Variants in KCNK3 observed in about 807,000 individuals in gnomAD.
KCNK3 encodes potassium channel subfamily K member 3.
Under a neutral mutation model 27.3 loss-of-function variants are expected in KCNK3, and 9 were observed. The ratio of observed to expected loss-of-function variants is 0.33; its 90% CI spans 0.20 to 0.57. KCNK3 has a LOEUF of 0.57. KCNK3 is among the 20% of genes least tolerant of loss of function. KCNK3 has a pLI of 0.87. For missense variants in KCNK3, 391 were observed against 577.7 expected, an observed-to-expected ratio of 0.68 and a Z score of 3.31; for synonymous variants, 278 against 273.8, an observed-to-expected ratio of 1.02 and a Z score of -0.15.
intron 1 of KCNK3, among the ~76,000 whole-genome samples, chr2:26,695,975 G>A (rs1006693703): frequency 6.6e-6 from 1 of 152,182 alleles, no homozygotes; most frequent in East Asian, 1.9e-4. Flanking sequence ...GTCCACAGGG[G>A]CTCTGCTCTA....
chr2:26,722,859 A>G (rs1663349158), intron 1 of KCNK3, among the ~76,000 whole-genome samples: 1 of 152,246 alleles, frequency 6.6e-6, no homozygotes, highest in South Asian at 2.1e-4. Flanking sequence ...GTGAACAGAG[A>G]AAATAATAAA....
chr2:26,697,509 TC>T (rs1670250295), intron 1 of KCNK3, among the ~76,000 whole-genome samples: 1 of 152,124 alleles, frequency 6.6e-6, no homozygotes, highest in Non-Finnish European at 1.5e-5. Context: ...GCTTGCCTTT[TC>T]CCCAGCAAAG....
intron 1 of KCNK3, among the ~76,000 whole-genome samples, chr2:26,706,764 G>A (rs1670379334): frequency 1.3e-5 from 2 of 152,170 alleles, no homozygotes; most frequent in African/African-American, 4.8e-5. Flanking sequence ...GTGGGCCAGT[G>A]AACTCGTAGA....
In KCNK3 at chr2:26,714,994, A is replaced by C. The variant is rs1663202970; in HGVS notation, c.284-12673A>C. On this transcript the variant is annotated intron_variant, in intron 1 of 1. Coordinates refer to ENST00000302909, the MANE Select transcript of KCNK3 (RefSeq NM_002246.3). ...CCCCAGCCCAGAGACCCTGGAGGCC[A>C]CATACCTGTGTGGCCTTGTCCAAAT... Among the ~76,000 whole-genome samples the C allele has an allele frequency of 2.0e-5, 3 of 152,250 alleles. No individual in the cohort carries two copies. The South Asian group carries it at 6.2e-4, about 31-fold the overall frequency.
In KCNK3 at chr2:26,728,897, C is replaced by A; in HGVS notation, c.*329C>A. 3.5e-6 allele frequency: 1 copy of A among 287,262 alleles called. No homozygotes were observed. Among genetic ancestry groups the A allele is most frequent in the Admixed American group, 5.1e-5 (1 of 19,594 alleles). The allele number at this position is 287,262 out of a possible 1,614,324, so 17.8% of individuals were successfully genotyped here. ...AGTCCTCAGAGACCCTGCTGGTACC[C>A]AGACCCCCACCTTCGGAGGGGACTT... On this transcript the variant is annotated 3_prime_UTR_variant, in exon 2 of 2. Coordinates refer to ENST00000302909, the MANE Select transcript of KCNK3 (RefSeq NM_002246.3).
intron 1 of KCNK3, among the ~76,000 whole-genome samples, chr2:26,696,780 A>G (rs1010054225): frequency 3.9e-5 from 6 of 152,204 alleles, no homozygotes; most frequent in Non-Finnish European, 7.3e-5. Context: ...TTCGGAGATC[A>G]GCTGGTACCA....
intron 1 of KCNK3, among the ~76,000 whole-genome samples, chr2:26,709,081 A>T (rs1368471054): frequency 6.6e-6 from 1 of 152,202 alleles, no homozygotes; most frequent in Non-Finnish European, 1.5e-5. Flanking sequence ...TGACCTGAGC[A>T]ACCAGGTGGA....
At chr2:26,725,610 A>G (rs1047349885) in intron 1 of KCNK3, among the ~76,000 whole-genome samples, 2 of 152,092 alleles carry the variant, frequency 1.3e-5, no homozygotes, top group African/African-American at 4.8e-5. Flanking sequence ...TCTGGCTGCC[A>G]TGGCCCAGCT....
intron 1 of KCNK3, among the ~76,000 whole-genome samples, chr2:26,712,730 G>A (rs1663148181): frequency 2.0e-5 from 3 of 151,836 alleles, no homozygotes; most frequent in Non-Finnish European, 4.4e-5. Flanking sequence ...AATGTTGGGG[G>A]TGGGGACCTC....
At chr2:26,707,683 C>T (rs949020229) in intron 1 of KCNK3, among the ~76,000 whole-genome samples, 1 of 152,162 alleles carries the variant, frequency 6.6e-6, no homozygotes, top group Non-Finnish European at 1.5e-5. Flanking sequence ...GCTGATGGTC[C>T]GCACCTGCAG....
At chr2:26,719,748 T>G (rs1663293843) in intron 1 of KCNK3, among the ~76,000 whole-genome samples, 1 of 152,184 alleles carries the variant, frequency 6.6e-6, no homozygotes, top group African/African-American at 2.4e-5. Context: ...CCAACTCAAG[T>G]CCAGCACAAC....
chr2:26,704,135 G>T (rs1379219545), intron 1 of KCNK3, among the ~76,000 whole-genome samples: 1 of 152,036 alleles, frequency 6.6e-6, no homozygotes, highest in East Asian at 1.9e-4. Flanking sequence ...CGCCCACCCT[G>T]CTCACCCAGC....
At position 26,728,545 on chromosome 2, in the gene KCNK3, A is replaced by G. The variant is rs924076295; in HGVS notation, c.1162A>G (p.Met388Val). ...CAGCCTGTCCACCTTCCGCGGCCTC[A>G]TGAAGCGCAGGAGCTCCGTGTGACT... ...LHSLSTFRGL[M>V]KRRSSV Residue 388 changes from methionine (M) to valine (V), a missense_variant, in exon 2 of 2, where the codon ATG (methionine) becomes GTG (valine). Coordinates refer to ENST00000302909, the MANE Select transcript of KCNK3 (RefSeq NM_002246.3). 14 of 1,464,194 alleles carry G rather than the reference A, an allele frequency of 9.6e-6. No homozygotes were observed. The highest frequency in any genetic ancestry group is 1.3e-5 in the Non-Finnish European group (14 of 1,107,180). The allele number at this position is 1,464,194 out of a possible 1,614,324, so 90.7% of individuals were successfully genotyped here.
chr2:26,725,341 G>A (rs7595648), intron 1 of KCNK3, among the ~76,000 whole-genome samples: 62,240 of 151,996 alleles, frequency 0.41, 14,808 homozygotes, highest in Non-Finnish European at 0.53. Context: ...GAGGGTGGGG[G>A]TTAATAGCTC....
intron 1 of KCNK3, among the ~76,000 whole-genome samples, chr2:26,696,623 C>A (rs942313293): frequency 6.6e-6 from 1 of 152,220 alleles, no homozygotes; most frequent in African/African-American, 2.4e-5. Flanking sequence ...GAAACCCTTC[C>A]TTTGCTGGTG....
chr2:26,702,258 A>T (rs972106780), intron 1 of KCNK3, among the ~76,000 whole-genome samples: 3 of 152,176 alleles, frequency 2.0e-5, no homozygotes, highest in Non-Finnish European at 4.4e-5. Context: ...GTGCTACCAG[A>T]CACTCACCCT....
Position 26,728,677 on chromosome 2 carries a change from C to T in KCNK3, c.*109C>T, listed in dbSNP as rs2148039251. ...GCCCAGTGGGACCCCGCACAACATC[C>T]CTCACCACTCTCCCCCAGCACCCCC... On this transcript the variant is annotated 3_prime_UTR_variant, in exon 2 of 2. Transcript: ENST00000302909. 4.4e-6 allele frequency: 4 copies of T among 906,150 alleles called. No individual in the cohort carries two copies. Among genetic ancestry groups the T allele is most frequent in the Non-Finnish European group, 6.1e-6 (4 of 658,334 alleles). The allele number at this position is 906,150 out of a possible 1,614,324, so 56.1% of individuals were successfully genotyped here.
In KCNK3 at chr2:26,693,157, C is replaced by T; in HGVS notation, c.282C>T (p.Ile94=). The T allele has an allele frequency of 6.6e-7, 1 of 1,518,746 alleles. No homozygotes were observed. 94.1% of individuals were successfully genotyped at this position (1,518,746 alleles called of 1,614,324 possible). Residue 94 remains isoleucine (I), a splice_region_variant and synonymous_variant, in exon 1 of 2, where the codon ATC becomes ATT. Coordinates refer to ENST00000302909, the MANE Select transcript of KCNK3 (RefSeq NM_002246.3). This position sits in a 1 kb window ranked among gnomAD's most constrained non-coding sequence, Gnocchi z 5.5. ...TCGCCATCACCGTCATCACCACCATCGGTAACGGCTCGCCGGGCGGGGGGC... is the reference window on the plus strand; with the variant it reads ...TCGCCATCACCGTCATCACCACCATTGGTAACGGCTCGCCGGGCGGGGGGC... The part of the protein sequence containing the change: ...FYFAITVITT[I]GYGHAAPSTD...
intron 1 of KCNK3, among the ~76,000 whole-genome samples, chr2:26,714,586 C>T (rs959939001): frequency 6.3e-5 from 5 of 79,536 alleles, no homozygotes; most frequent in Non-Finnish European, 1.3e-4. Context: ...CCAGAACAAC[C>T]TTAAGAGGAG....
Sources: allele counts gnomAD v4.1 joint callset (sites outside exome capture counted in the v4.1 genomes callset), GRCh38; gene constraint gnomAD v4.1.1; non-coding constraint Gnocchi (gnomAD v3.1); transcripts MANE v1.5; gene names NCBI Gene and HGNC (gene_info 2026-07-23, HGNC 2026-07-21).